The following KAT7 variants were observed in gnomAD, a reference collection of about 807,000 sequenced individuals.
The protein encoded by KAT7 is lysine acetyltransferase 7.
A neutral mutation model predicts 82.1 loss-of-function variants in KAT7; 10 were observed. The observed-to-expected ratio is 0.12, with a 90% CI of 0.08 to 0.21. The LOEUF (loss-of-function observed/expected upper bound fraction) is 0.21. Ranked by LOEUF, KAT7 falls within the 10% of genes least tolerant of loss-of-function variation. KAT7 has a pLI of 1.00. For missense variants in KAT7, 378 were observed against 760.9 expected (o/e 0.50, Z 5.92); for synonymous variants, 250 against 262.5 (o/e 0.95, Z 0.46).
chr17:49,809,136 G>A lies in KAT7; in HGVS notation c.681G>A (p.Arg227=). ...ADECKVRAQS[R]DKQIEERMLS... The stretch of plus-strand genomic sequence containing the variant: ...GGTTGCAGGTGAGAGCACAGAGCCG[G>A]GATAAGCAGATAGAAGAAAGGATGC... The change falls in exon 6 of 15, where the codon CGG becomes CGA. Residue 227 remains arginine (R), a synonymous_variant. Coordinates refer to ENST00000259021, the MANE Select transcript of KAT7 (RefSeq NM_007067.5). 6.2e-7 allele frequency: 1 copy of A among 1,614,034 alleles called. No individual in the cohort carries two copies. The highest frequency in any genetic ancestry group is 8.5e-7 in the Non-Finnish European group (1 of 1,179,934).
At chr17:49,816,352 T>C (rs1016146548) in intron 8 of KAT7, among the ~76,000 whole-genome samples, 3 of 152,238 alleles carry the variant, frequency 2.0e-5, no homozygotes, top group African/African-American at 4.8e-5. Flanking sequence ...TGGAAAAGGC[T>C]GTTGTCAGAT....
At chr17:49,815,961 A>G (rs373608261) in intron 8 of KAT7, 48 bp downstream of exon 8, 4 of 1,086,330 alleles carry the variant, frequency 3.7e-6, no homozygotes, top group Non-Finnish European at 5.7e-6. Flanking sequence ...AAAGGTGCTT[A>G]GAGTTGCCAG....
chr17:49,813,073 GTTACATAGATC>G (rs2074190096), intron 7 of KAT7, among the ~76,000 whole-genome samples: 1 of 123,738 alleles, frequency 8.1e-6, no homozygotes, highest in South Asian at 2.8e-4. Flanking sequence ...GTGCAGGTTT[GTTACATAGATC>G]TATTGTGTGA....
At position 49,788,703 on chromosome 17, in the gene KAT7, A is replaced by C; in HGVS notation, c.-132A>C. 4 of 959,282 alleles carry C rather than the reference A, an allele frequency of 4.2e-6. No individual in the cohort carries two copies. Among genetic ancestry groups the C allele is most frequent in the Non-Finnish European group, 6.0e-6 (4 of 667,808 alleles). The allele number at this position is 959,282 out of a possible 1,614,324, so 59.4% of individuals were successfully genotyped here. ...TGCGCAGAACGCTCCAGACGCTGAG[A>C]GGCAGGAGGCACTAGGGATCGTCCG... On this transcript the variant is annotated 5_prime_UTR_variant, in exon 1 of 15. Coordinates refer to ENST00000259021, the MANE Select transcript of KAT7 (RefSeq NM_007067.5).
intron 4 of KAT7, among the ~76,000 whole-genome samples, chr17:49,803,593 T>G (rs1598062402): frequency 6.6e-6 from 1 of 151,572 alleles, no homozygotes; most frequent in Middle Eastern, 3.4e-3. Flanking sequence ...CCCGGCTAAT[T>G]TTTTGTATTT....
At chr17:49,799,531 C>T (rs1213729773) in intron 4 of KAT7, among the ~76,000 whole-genome samples, 1 of 152,198 alleles carries the variant, frequency 6.6e-6, no homozygotes, top group African/African-American at 2.4e-5. Flanking sequence ...CAGATGCCCA[C>T]AACCACACCT....
chr17:49,815,986 A>T lies in KAT7; in HGVS notation c.963+73A>T, dbSNP rs2074229205. 16 of 860,470 alleles carry T rather than the reference A, an allele frequency of 1.9e-5. No homozygotes were observed. The South Asian group carries it at 2.3e-4, about 12-fold the overall frequency. The allele number at this position is 860,470 out of a possible 1,614,324, so 53.3% of individuals were successfully genotyped here. A position where few individuals can be genotyped will look rare whatever the true frequency, so the allele number is the denominator to read the frequency against. On this transcript the variant is annotated intron_variant, in intron 8 of 14. Transcript: ENST00000259021. ...AGAGTTGCCAGGAAAAATGATTGCA[A>T]ATCAGTTTGATGGGAATTAAATGTA...
chr17:49,796,072 C>T (rs930581689), intron 2 of KAT7, among the ~76,000 whole-genome samples: 10 of 151,978 alleles, frequency 6.6e-5, no homozygotes, highest in African/African-American at 2.4e-4. Flanking sequence ...TTTCCTTTGT[C>T]CTCAGGTTGG....
chr17:49,809,172 G>C lies in KAT7; in HGVS notation c.717G>C (p.Arg239Ser). 6.2e-7 allele frequency: 1 copy of C among 1,614,116 alleles called. No individual in the cohort carries two copies. The change falls in exon 6 of 15, where the codon AGG becomes AGC. Residue 239 changes from arginine (R) to serine (S), a missense_variant. Around this residue, in one of 6 missense-constraint regions of KAT7, gnomAD observed 102 missense variants for 129.8 expected, o/e 0.79. Coordinates refer to ENST00000259021, the MANE Select transcript of KAT7 (RefSeq NM_007067.5). ...KQIEERMLSHRQDDNNRHATR... is the reference protein window; with the variant it reads ...KQIEERMLSHSQDDNNRHATR... The stretch of plus-strand genomic sequence containing the variant: ...TAGAAGAAAGGATGCTGTCTCACAG[G>C]CAAGATGACAACAACAGGCATGCAA...
chr17:49,815,501 A>AT, intron 7 of KAT7: 1 of 226,138 alleles, frequency 4.4e-6, no homozygotes, highest in Non-Finnish European at 8.6e-6. Flanking sequence ...TGTCATGTAA[A>AT]TTTTTACATG....
chr17:49,800,824 A>G (rs2074015458), intron 4 of KAT7, among the ~76,000 whole-genome samples: 1 of 152,166 alleles, frequency 6.6e-6, no homozygotes, highest in Non-Finnish European at 1.5e-5. Flanking sequence ...TACTGAGGGT[A>G]GGATATTGTG....
Position 49,798,459 on chromosome 17 carries a change from G to T in KAT7, c.481G>T (p.Asp161Tyr), listed in dbSNP as rs1488311520. 6.2e-7 allele frequency: 1 copy of T among 1,614,190 alleles called. No homozygotes were observed. Among genetic ancestry groups the T allele is most frequent in the Non-Finnish European group, 8.5e-7 (1 of 1,180,016 alleles). ...CATTGCCAAGGACATGTCCCTGAAGGACTCAGGCAGTGATCTCTCTCATCG... is the reference window on the plus strand; with the variant it reads ...CATTGCCAAGGACATGTCCCTGAAGTACTCAGGCAGTGATCTCTCTCATCG... ...ESIAKDMSLK[D>Y]SGSDLSHRPK... Residue 161 changes from aspartate to tyrosine, a missense_variant, in exon 4 of 15, where the codon GAC becomes TAC. By Grantham distance (160) the Asp-to-Tyr change is radical (BLOSUM62 -3). Transcript: ENST00000259021.
chr17:49,795,419 T>G, intron 2 of KAT7: 1 of 253,374 alleles, frequency 3.9e-6, no homozygotes, highest in South Asian at 7.6e-5. Context: ...TCGGGCAGCA[T>G]CTATATCACC....
chr17:49,792,182 G>A (rs1251037891), intron 2 of KAT7, 149 bp downstream of exon 2: 2 of 753,184 alleles, frequency 2.7e-6, no homozygotes, highest in Admixed American at 2.6e-5. Context: ...AGTGAATGCA[G>A]AGTTGTCAGG....
chr17:49,798,279 G>C (rs775346118), intron 3 of KAT7, 40 bp from the exon 4 acceptor site: 7 of 1,595,126 alleles, frequency 4.4e-6, no homozygotes, highest in Non-Finnish European at 6.0e-6. Context: ...CTAAATAAAT[G>C]AACTCCACTC....
In KAT7 at chr17:49,827,743, GTC is replaced by G. The variant is rs2074385157; in HGVS notation, c.*246_*247del. ...GGATCTGTATTAGACTTGAGTGCAG[GTC>G]TCTCAGCACTGACCCAAGGAGTTCT... On this transcript the variant is annotated 3_prime_UTR_variant, in exon 15 of 15. Coordinates refer to ENST00000259021, the MANE Select transcript of KAT7 (RefSeq NM_007067.5). The G allele has an allele frequency of 1.8e-5, 10 of 542,158 alleles. No individual in the cohort carries two copies. In the South Asian group the frequency reaches 2.5e-4, roughly 13 times the overall value. The allele number at this position is 542,158 out of a possible 1,614,324, so 33.6% of individuals were successfully genotyped here. A position where few individuals can be genotyped will look rare whatever the true frequency, so the allele number is the denominator to read the frequency against.
At chr17:49,825,468 A>G (rs1405911315) in intron 12 of KAT7, among the ~76,000 whole-genome samples, 2 of 152,224 alleles carry the variant, frequency 1.3e-5, no homozygotes, top group Non-Finnish European at 2.9e-5. Flanking sequence ...TGCCTATTAC[A>G]GTAGTGCCCT....
Position 49,832,346 on chromosome 17 carries a change from A to G in KAT7, c.*4844A>G, listed in dbSNP as rs1378443384. On this transcript the variant is annotated 3_prime_UTR_variant, in exon 15 of 15. Transcript: ENST00000259021. ...CTTTGATTTGTACTGATTTGTCCCT[A>G]TAGTTCTGGGTGGGGTGGGTCAAAA... 2.0e-5 allele frequency: 3 copies of G among 152,124 alleles called. No homozygotes were observed. Among genetic ancestry groups the G allele is most frequent in the South Asian group, 2.1e-4 (1 of 4,808 alleles). 9.4% of individuals were successfully genotyped at this position (152,124 alleles called of 1,614,324 possible). A position where few individuals can be genotyped will look rare whatever the true frequency, so the allele number is the denominator to read the frequency against.
At chr17:49,821,886 C>T (rs1229155072) in intron 11 of KAT7, 96 bp downstream of exon 11, 1 of 1,088,466 alleles carries the variant, frequency 9.2e-7, no homozygotes, top group East Asian at 2.4e-5. Context: ...AGAAGCTGTA[C>T]TCTGGGCAAT....
Sources: gnomAD v4.1 joint callset for allele counts (sites outside exome capture counted in the v4.1 genomes callset) on GRCh38, gnomAD v4.1.1 for gene constraint, gnomAD v4.1.1 regional missense constraint, MANE v1.5 for transcripts, NCBI Gene and HGNC (gene_info 2026-07-23, HGNC 2026-07-21) for gene names.